Variants in BFSP1 observed in about 807,000 individuals in gnomAD.
BFSP1 encodes beaded filament structural protein 1.
BFSP1 carries 38 observed loss-of-function variants against 43.9 expected under a neutral mutation model. That is an observed-to-expected ratio of 0.87 (90% CI 0.67 to 1.14). BFSP1 has a LOEUF of 1.14. Among genes scored for constraint, BFSP1 ranks in the 50% most tolerant of loss-of-function variants. BFSP1 has a pLI of 0.00. For synonymous variants in BFSP1, 352 were observed against 354.8 expected (o/e 0.99, Z 0.09); for missense variants, 850 against 875.1 (o/e 0.97, Z 0.36).
intron 1 of BFSP1, among the ~76,000 whole-genome samples, chr20:17,527,803 ATATAAG>A (rs1406298081): frequency 6.6e-6 from 1 of 152,248 alleles, no homozygotes; most frequent in Non-Finnish European, 1.5e-5. Context: ...GTGTATATTC[ATATAAG>A]TATATTCATA....
At chr20:17,527,558 T>C (rs1318705708) in intron 1 of BFSP1, among the ~76,000 whole-genome samples, 4 of 152,074 alleles carry the variant, frequency 2.6e-5, no homozygotes, top group Non-Finnish European at 5.9e-5. Context: ...AAACCCTGTC[T>C]CTACTAAAAA....
chr20:17,530,622 G>C (rs1347450092), intron 1 of BFSP1, among the ~76,000 whole-genome samples: 3 of 152,226 alleles, frequency 2.0e-5, no homozygotes, highest in Non-Finnish European at 2.9e-5. Context: ...TATCTCACTT[G>C]TTTTCGTGGT....
At chr20:17,514,884 T>A in intron 2 of BFSP1, 68 bp from the exon 3 acceptor site, 1 of 1,422,526 alleles carries the variant, frequency 7.0e-7, no homozygotes, top group Non-Finnish European at 9.9e-7. Flanking sequence ...TGGCCGGGTA[T>A]ATGAGCACAC....
intron 3 of BFSP1, among the ~76,000 whole-genome samples, chr20:17,513,620 T>C (rs900796206): frequency 6.6e-6 from 1 of 152,200 alleles, no homozygotes; most frequent in Non-Finnish European, 1.5e-5. Context: ...GGAAGGGAAC[T>C]GGAAGTTCAC....
At chr20:17,524,781 T>C (rs950395064) in intron 2 of BFSP1, 67 bp downstream of exon 2, 12 of 1,533,970 alleles carry the variant, frequency 7.8e-6, no homozygotes, top group East Asian at 2.2e-5. Context: ...CTGTAAAACC[T>C]GCACTTCCAC....
chr20:17,567,305 CCTA>C (rs1265255211), intron 1 of BFSP1, among the ~76,000 whole-genome samples: 1 of 152,184 alleles, frequency 6.6e-6, no homozygotes, highest in Non-Finnish European at 1.5e-5. Context: ...TTATTAAACA[CCTA>C]CTATGTATCA....
At chr20:17,545,522 G>A (rs1384862469) in intron 1 of BFSP1, among the ~76,000 whole-genome samples, 2 of 152,222 alleles carry the variant, frequency 1.3e-5, no homozygotes, top group Non-Finnish European at 2.9e-5. Context: ...ACTTTGAAAG[G>A]CCAAGGTGTT....
intron 1 of BFSP1, among the ~76,000 whole-genome samples, chr20:17,551,389 C>T (rs1323793220): frequency 6.6e-6 from 1 of 152,146 alleles, no homozygotes; most frequent in Non-Finnish European, 1.5e-5. Context: ...AAAGACAGCA[C>T]CAGGGAGAAG....
intron 1 of BFSP1, among the ~76,000 whole-genome samples, chr20:17,555,858 A>G (rs768678923): frequency 1.3e-5 from 2 of 152,220 alleles, no homozygotes; most frequent in African/African-American, 4.8e-5. Flanking sequence ...GAGAAAATGT[A>G]TAAGGATAAC....
At chr20:17,517,836 G>A (rs957195016) in intron 2 of BFSP1, among the ~76,000 whole-genome samples, 1 of 152,064 alleles carries the variant, frequency 6.6e-6, no homozygotes, top group Non-Finnish European at 1.5e-5. Context: ...AGCCACATGC[G>A]GCTGGTGGCT....
At chr20:17,496,213 C>T (rs2033628432) in intron 7 of BFSP1, among the ~76,000 whole-genome samples, 1 of 152,260 alleles carries the variant, frequency 6.6e-6, no homozygotes, top group South Asian at 2.1e-4. Flanking sequence ...AGGCTGTTCC[C>T]TTTCCAACCA....
rs117275090 is a variant in BFSP1 at position 17,501,713 on chromosome 20, G to A, written c.736-2673C>T. ...TTGGGGAGATGTCTGTCCAGTCCACGTTGTCCCTGTGTCTGATGTCAGCCC... is the reference window on the plus strand; with the variant it reads ...TTGGGGAGATGTCTGTCCAGTCCACATTGTCCCTGTGTCTGATGTCAGCCC... On this transcript the variant is annotated intron_variant, in intron 5 of 7. Transcript: ENST00000377873. Among the ~76,000 whole-genome samples, 879 of 152,234 alleles carry A rather than the reference G, an allele frequency of 5.8e-3. 2 individuals carry two copies. Among genetic ancestry groups the A allele is most frequent in the Non-Finnish European group, 8.9e-3 (605 of 68,020 alleles).
upstream of BFSP1, among the ~76,000 whole-genome samples, chr20:17,561,464 A>C (rs1373060396): frequency 6.6e-6 from 1 of 151,724 alleles, no homozygotes; most frequent in Non-Finnish European, 1.5e-5. Flanking sequence ...GCACCACTGC[A>C]CTCCAGCCCA....
intron 2 of BFSP1, chr20:17,516,868 C>G: frequency 1.5e-6 from 1 of 655,412 alleles, no homozygotes; most frequent in Admixed American, 2.3e-5. Flanking sequence ...AAAACCCTCA[C>G]AGGGAAGACC....
intron 1 of BFSP1, among the ~76,000 whole-genome samples, chr20:17,568,339 A>G (rs1157005200): frequency 6.6e-6 from 1 of 152,136 alleles, no homozygotes; most frequent in Non-Finnish European, 1.5e-5. Context: ...GCAGGCATGT[A>G]TCCTTAAATG....
intron 2 of BFSP1, among the ~76,000 whole-genome samples, chr20:17,523,825 G>C (rs915591202): frequency 6.6e-6 from 1 of 151,960 alleles, no homozygotes; most frequent in African/African-American, 2.4e-5. Context: ...CTAGATTCTA[G>C]TTCTGATTTT....
At chr20:17,547,896 A>AT (rs2034830342) in intron 1 of BFSP1, among the ~76,000 whole-genome samples, 3 of 71,568 alleles carry the variant, frequency 4.2e-5, no homozygotes, top group Non-Finnish European at 8.0e-5. Flanking sequence ...ATGCCCGGCC[A>AT]ATTTTTTTTT....
At chr20:17,503,252 A>G (rs994580998) in intron 5 of BFSP1, among the ~76,000 whole-genome samples, 4 of 152,156 alleles carry the variant, frequency 2.6e-5, no homozygotes, top group African/African-American at 4.8e-5. Flanking sequence ...CTGGTCTTGA[A>G]CTTCTGGGCT....
At chr20:17,501,661 GAAGAA>G in intron 5 of BFSP1, among the ~76,000 whole-genome samples, 1 of 152,090 alleles carries the variant, frequency 6.6e-6, no homozygotes, top group Non-Finnish European at 1.5e-5. Flanking sequence ...AGGAGGAAGG[GAAGAA>G]AAGGTACGTG....
Sources: allele counts gnomAD v4.1 joint callset (sites outside exome capture counted in the v4.1 genomes callset), GRCh38; gene constraint gnomAD v4.1.1; transcripts MANE v1.5; gene names NCBI Gene and HGNC (gene_info 2026-07-23, HGNC 2026-07-21).